RPS6KC1: variants seen among roughly 807,000 people sequenced by gnomAD.
RPS6KC1 encodes ribosomal protein S6 kinase C1.
In RPS6KC1, 54 loss-of-function variants were observed where a neutral mutation model predicts 103.8. The ratio of observed to expected loss-of-function variants is 0.52; its 90% confidence interval spans 0.42 to 0.65. The LOEUF (loss-of-function observed/expected upper bound fraction) is 0.65. Ranked by LOEUF, RPS6KC1 falls within the 30% of genes least tolerant of loss-of-function variation. RPS6KC1 has a pLI of 0.00. For missense variants in RPS6KC1, 1,151 were observed against 1,253.8 expected, an observed-to-expected ratio of 0.92 and a Z score of 1.24; for synonymous variants, 439 against 438.7, an observed-to-expected ratio of 1.00 and a Z score of -0.01.
At chr1:213,474,897 T>C in the RPS6KC1 span, among the ~76,000 whole-genome samples, 1 of 152,164 alleles carries the variant, frequency 6.6e-6, no homozygotes, top group African/African-American at 2.4e-5. Context: ...TCTTTCCCCA[T>C]TCTCTCCCTT....
chr1:213,598,430 C>G, the RPS6KC1 span, among the ~76,000 whole-genome samples: 1 of 152,142 alleles, frequency 6.6e-6, no homozygotes, highest in African/African-American at 2.4e-5. Flanking sequence ...CTCTGCTTAT[C>G]TATGTGACCT....
chr1:213,791,566 G>C, the RPS6KC1 span, among the ~76,000 whole-genome samples: 2 of 152,072 alleles, frequency 1.3e-5, no homozygotes, highest in African/African-American at 4.8e-5. Context: ...GAAAATATAA[G>C]ACTGCAAAAG....
intron 8 of RPS6KC1, among the ~76,000 whole-genome samples, chr1:213,216,811 C>T (rs564121894): frequency 3.4e-4 from 52 of 152,298 alleles, no homozygotes; most frequent in African/African-American, 1.2e-3. Flanking sequence ...TAAAGATGTT[C>T]TTTCAAACCA....
intron 3 of RPS6KC1, among the ~76,000 whole-genome samples, chr1:213,093,946 C>T (rs2081220304): frequency 6.6e-6 from 1 of 152,110 alleles, no homozygotes; most frequent in Admixed American, 6.6e-5. Context: ...CAGAAGATAT[C>T]TCTTCTAGGA....
At chr1:213,745,237 T>TC in the RPS6KC1 span, among the ~76,000 whole-genome samples, 19 of 151,998 alleles carry the variant, frequency 1.3e-4, no homozygotes, top group Non-Finnish European at 1.9e-4. Context: ...GTTTTTTTTT[T>TC]TCTTTATGTA....
At chr1:213,354,606 G>A in the RPS6KC1 span, among the ~76,000 whole-genome samples, 244 of 152,286 alleles carry the variant, frequency 1.6e-3, no homozygotes, top group Non-Finnish European at 2.6e-3. Context: ...GCTGCATCTG[G>A]TGAGGGCCTT....
chr1:213,499,433 T>C, the RPS6KC1 span, among the ~76,000 whole-genome samples: 1 of 152,108 alleles, frequency 6.6e-6, no homozygotes, highest in Non-Finnish European at 1.5e-5. Flanking sequence ...GTGGGGAAGT[T>C]GGGGGATGGT....
the RPS6KC1 span, among the ~76,000 whole-genome samples, chr1:213,286,508 CTT>C: frequency 6.6e-6 from 1 of 152,174 alleles, no homozygotes; most frequent in African/African-American, 2.4e-5. Context: ...AAATGCACAA[CTT>C]GACATTAAAA....
rs905119902 is a variant in RPS6KC1 at position 213,051,345 on chromosome 1, G to A, written c.-60G>A. 1.0e-5 allele frequency: 14 copies of A among 1,352,670 alleles called. No homozygotes were observed. Among genetic ancestry groups the A allele is most frequent in the Admixed American group, 1.7e-5 (1 of 58,208 alleles). The allele number at this position is 1,352,670 out of a possible 1,614,324, so 83.8% of individuals were successfully genotyped here. On this transcript the variant is annotated 5_prime_UTR_variant, in exon 1 of 15. Transcript: ENST00000366960. ...TGCGTTGGGGAACCTGGACCGCGGC[G>A]GCGCCGGGTTTCCCTCATGATCCCG...
At chr1:213,382,702 A>T in the RPS6KC1 span, among the ~76,000 whole-genome samples, 2 of 151,974 alleles carry the variant, frequency 1.3e-5, no homozygotes, top group African/African-American at 4.8e-5. Flanking sequence ...CTGAGGTTTG[A>T]GTTTGGTTTT....
At chr1:213,253,143 G>A (rs971471185) in intron 12 of RPS6KC1, among the ~76,000 whole-genome samples, 3 of 152,144 alleles carry the variant, frequency 2.0e-5, no homozygotes, top group African/African-American at 7.2e-5. Context: ...ATTTCCTGCT[G>A]TATCTTGGGG....
chr1:213,264,389 G>A (rs903719500), intron 14 of RPS6KC1, among the ~76,000 whole-genome samples: 4 of 152,064 alleles, frequency 2.6e-5, no homozygotes, highest in African/African-American at 7.2e-5. Context: ...GTTGTGGCAC[G>A]AGATAAATTC....
chr1:213,650,148 C>A, the RPS6KC1 span, among the ~76,000 whole-genome samples: 1 of 152,142 alleles, frequency 6.6e-6, no homozygotes, highest in African/African-American at 2.4e-5. Flanking sequence ...GTTGCCCAAC[C>A]AGAGGGTGCT....
chr1:213,670,590 A>G, the RPS6KC1 span, among the ~76,000 whole-genome samples: 10 of 152,136 alleles, frequency 6.6e-5, no homozygotes, highest in Non-Finnish European at 1.3e-4. Context: ...AGAGCTAAGC[A>G]TAACAATAGA....
At chr1:213,519,843 T>C in the RPS6KC1 span, among the ~76,000 whole-genome samples, 3 of 152,122 alleles carry the variant, frequency 2.0e-5, no homozygotes, top group African/African-American at 7.2e-5. Context: ...ACAATAACAA[T>C]ATCAATTGTA....
intron 8 of RPS6KC1, among the ~76,000 whole-genome samples, chr1:213,184,202 C>T (rs1466258127): frequency 6.6e-6 from 1 of 152,074 alleles, no homozygotes; most frequent in East Asian, 1.9e-4. Flanking sequence ...TACACATTTT[C>T]TTCCTGAAAA....
the RPS6KC1 span, among the ~76,000 whole-genome samples, chr1:213,644,326 C>T: frequency 6.6e-6 from 1 of 152,056 alleles, no homozygotes; most frequent in Non-Finnish European, 1.5e-5. Flanking sequence ...CATCCCCCAC[C>T]AGAGAGGTAC....
chr1:213,792,790 G>A, the RPS6KC1 span, among the ~76,000 whole-genome samples: 1 of 152,004 alleles, frequency 6.6e-6, no homozygotes, highest in Non-Finnish European at 1.5e-5. Flanking sequence ...ACAGCAACTC[G>A]GAGGTTCATT....
At chr1:213,219,076 A>G (rs1056222181) in intron 8 of RPS6KC1, among the ~76,000 whole-genome samples, 2 of 152,218 alleles carry the variant, frequency 1.3e-5, no homozygotes, top group Non-Finnish European at 2.9e-5. Context: ...TGAACAGCCA[A>G]CCTACAGAAT....
Sources: gnomAD v4.1 joint callset for allele counts (sites outside exome capture counted in the v4.1 genomes callset) on GRCh38, gnomAD v4.1.1 for gene constraint, MANE v1.5 for transcripts, NCBI Gene and HGNC (gene_info 2026-07-23, HGNC 2026-07-21) for gene names.